The following DSCAM variants were observed in gnomAD, a reference collection of about 807,000 sequenced individuals.
DSCAM encodes DS cell adhesion molecule.
DSCAM carries 47 observed loss-of-function variants against 217.7 expected under a neutral mutation model. That is an observed-to-expected ratio of 0.22 (90% CI 0.17 to 0.28). DSCAM has a LOEUF of 0.28. Ranked by LOEUF, DSCAM falls within the 10% of genes least tolerant of loss-of-function variation. The pLI is 1.00. For missense variants in DSCAM, 2,080 were observed against 2,618.3 expected (o/e 0.79, Z 4.49); for synonymous variants, 1,056 against 1,015.3 (o/e 1.04, Z -0.76).
chr21:40,446,876 C>T (rs2075679302), intron 3 of DSCAM, among the ~76,000 whole-genome samples: 1 of 152,172 alleles, frequency 6.6e-6, no homozygotes, highest in Admixed American at 6.5e-5. Flanking sequence ...TGGGGAAATA[C>T]TAATGACAGG....
At chr21:40,683,895 G>T (rs912294752) in intron 3 of DSCAM, among the ~76,000 whole-genome samples, 2 of 152,046 alleles carry the variant, frequency 1.3e-5, no homozygotes. Flanking sequence ...AGACGCGGGC[G>T]CAAAAACACC....
intron 10 of DSCAM, among the ~76,000 whole-genome samples, chr21:40,293,692 T>G (rs1376926244): frequency 3.3e-5 from 5 of 152,092 alleles, no homozygotes; most frequent in African/African-American, 1.2e-4. Context: ...CTTGGTGGTG[T>G]ACACCTGTAA....
At chr21:40,539,696 T>C (rs2076528686) in intron 3 of DSCAM, among the ~76,000 whole-genome samples, 1 of 152,116 alleles carries the variant, frequency 6.6e-6, no homozygotes, top group African/African-American at 2.4e-5. Flanking sequence ...TGTGTATCTC[T>C]GTTTCTTATA....
intron 19 of DSCAM, among the ~76,000 whole-genome samples, chr21:40,128,380 G>T (rs2090118428): frequency 1.3e-5 from 2 of 151,898 alleles, no homozygotes; most frequent in African/African-American, 4.8e-5. Flanking sequence ...TGTGGCATCT[G>T]TTACTATGAT....
At chr21:40,621,816 A>G (rs542040949) in intron 3 of DSCAM, among the ~76,000 whole-genome samples, 2 of 150,336 alleles carry the variant, frequency 1.3e-5, no homozygotes, top group South Asian at 2.1e-4. Context: ...TGAGAGTCCA[A>G]TGTACAAAGG....
intron 3 of DSCAM, among the ~76,000 whole-genome samples, chr21:40,609,069 C>G (rs747007068): frequency 6.6e-6 from 1 of 152,166 alleles, no homozygotes; most frequent in Non-Finnish European, 1.5e-5. Flanking sequence ...GTCCTCCATC[C>G]TCAGGCCCCT....
chr21:40,836,212 C>T (rs2092054707), intron 1 of DSCAM, among the ~76,000 whole-genome samples: 1 of 152,206 alleles, frequency 6.6e-6, no homozygotes. Flanking sequence ...TTCATGGTTA[C>T]AGGCAGGTTT....
chr21:40,305,389 CAAA>C (rs58738453), intron 9 of DSCAM, among the ~76,000 whole-genome samples: 4 of 68,554 alleles, frequency 5.8e-5, no homozygotes, highest in Non-Finnish European at 1.0e-4. Flanking sequence ...GATCCCGTCT[CAAA>C]AAAAAAAAAA....
intron 3 of DSCAM, among the ~76,000 whole-genome samples, chr21:40,485,830 A>G (rs1568844122): frequency 1.3e-5 from 2 of 152,126 alleles, no homozygotes; most frequent in African/African-American, 2.4e-5. Flanking sequence ...ACATATATAC[A>G]TACACATACA....
intron 24 of DSCAM, among the ~76,000 whole-genome samples, chr21:40,082,604 G>A (rs530261612): frequency 6.6e-6 from 1 of 151,692 alleles, no homozygotes; most frequent in Non-Finnish European, 1.5e-5. Context: ...CATTCCACAA[G>A]GCAGCTATTA....
intron 11 of DSCAM, among the ~76,000 whole-genome samples, chr21:40,236,881 G>A (rs1292589191): frequency 6.6e-6 from 1 of 152,178 alleles, no homozygotes; most frequent in African/African-American, 2.4e-5. Flanking sequence ...CACATGAGGA[G>A]AACAGTGCGA....
At chr21:40,723,609 C>T (rs113227730) in intron 1 of DSCAM, among the ~76,000 whole-genome samples, 1 of 152,290 alleles carries the variant, frequency 6.6e-6, no homozygotes, top group East Asian at 1.9e-4. Flanking sequence ...GAAGCCCTCA[C>T]ATTTTTTATT....
At chr21:40,079,878 C>T (rs2089428703) in intron 25 of DSCAM, among the ~76,000 whole-genome samples, 1 of 152,096 alleles carries the variant, frequency 6.6e-6, no homozygotes, top group African/African-American at 2.4e-5. Context: ...TCATGGCTGC[C>T]CAGCCTTGGC....
chr21:40,800,888 G>A (rs1039534706), intron 1 of DSCAM, among the ~76,000 whole-genome samples: 25 of 149,874 alleles, frequency 1.7e-4, no homozygotes, highest in African/African-American at 5.9e-4. Flanking sequence ...ACTAATTTTT[G>A]TATTTTTAAT....
chr21:40,276,488 A>AT (rs2123382139), intron 10 of DSCAM, among the ~76,000 whole-genome samples: 1 of 152,364 alleles, frequency 6.6e-6, no homozygotes, highest in Admixed American at 6.5e-5. Context: ...AGACTCTGAG[A>AT]TAAAAACTAA....
chr21:40,390,824 A>C (rs762111317), intron 3 of DSCAM, among the ~76,000 whole-genome samples: 2 of 152,166 alleles, frequency 1.3e-5, no homozygotes, highest in Non-Finnish European at 2.9e-5. Context: ...TTAACTACTT[A>C]TATCTTCAAT....
chr21:40,253,146 A>T (rs534967309), intron 11 of DSCAM, among the ~76,000 whole-genome samples: 1 of 152,304 alleles, frequency 6.6e-6, no homozygotes, highest in African/African-American at 2.4e-5. Context: ...CATGGACACT[A>T]CAGAAACTAT....
chr21:40,022,613 C>T (rs577798106), intron 32 of DSCAM, among the ~76,000 whole-genome samples: 1 of 152,132 alleles, frequency 6.6e-6, no homozygotes, highest in Non-Finnish European at 1.5e-5. Flanking sequence ...TCCATTGGCA[C>T]CCGCTGAGGC....
intron 3 of DSCAM, among the ~76,000 whole-genome samples, chr21:40,563,210 T>A (rs1450829817): frequency 6.6e-6 from 1 of 151,970 alleles, no homozygotes; most frequent in East Asian, 1.9e-4. Context: ...ACTCTCTCAT[T>A]TTTTTTACTG....
Sources: gnomAD v4.1 joint callset for allele counts (sites outside exome capture counted in the v4.1 genomes callset) on GRCh38, gnomAD v4.1.1 for gene constraint, MANE v1.5 for transcripts, NCBI Gene and HGNC (gene_info 2026-07-23, HGNC 2026-07-21) for gene names.